ZNF676: variants seen among roughly 807,000 people sequenced by gnomAD.
The protein encoded by ZNF676 is zinc finger protein 676.
In ZNF676, 4 loss-of-function variants were observed where a neutral mutation model predicts 6.0. The ratio of observed to expected loss-of-function variants is 0.67; its 90% CI spans 0.33 to 1.53. The LOEUF (loss-of-function observed/expected upper bound fraction) is 1.53. Ranked by LOEUF, ZNF676 falls within the 40% of genes most tolerant of loss-of-function variation. ZNF676 has a pLI of 0.06. For missense variants in ZNF676, 644 were observed against 679.7 expected, an observed-to-expected ratio of 0.95 and a Z score of 0.58; for synonymous variants, 198 against 223.1, an observed-to-expected ratio of 0.89 and a Z score of 1.00.
chr19:22,250,729 TA>T, the ZNF676 span, among the ~76,000 whole-genome samples: 14 of 151,880 alleles, frequency 9.2e-5, no homozygotes, highest in Admixed American at 2.0e-4. Flanking sequence ...TTTTTTTTTT[TA>T]AGACAGAGTT....
At chr19:22,253,983 A>G in the ZNF676 span, among the ~76,000 whole-genome samples, 9 of 152,326 alleles carry the variant, frequency 5.9e-5, no homozygotes, top group South Asian at 1.9e-3. Flanking sequence ...GGGAGACAGT[A>G]TCTCTTCTAT....
At chr19:22,242,812 A>C in the ZNF676 span, among the ~76,000 whole-genome samples, 22 of 149,738 alleles carry the variant, frequency 1.5e-4, no homozygotes, top group Non-Finnish European at 1.3e-4. Flanking sequence ...CCTAGAAACT[A>C]GGCTAGATTA....
At chr19:22,252,034 C>G in the ZNF676 span, among the ~76,000 whole-genome samples, 1 of 152,114 alleles carries the variant, frequency 6.6e-6, no homozygotes, top group Non-Finnish European at 1.5e-5. Context: ...AAGTAGAACA[C>G]TTAATTTTGC....
chr19:22,232,860 G>C, the ZNF676 span, among the ~76,000 whole-genome samples: 12 of 152,096 alleles, frequency 7.9e-5, no homozygotes, highest in Admixed American at 5.2e-4. Flanking sequence ...TATCCATACT[G>C]TTCAATGTAA....
At chr19:22,253,085 T>C in the ZNF676 span, among the ~76,000 whole-genome samples, 1 of 152,134 alleles carries the variant, frequency 6.6e-6, no homozygotes, top group South Asian at 2.1e-4. Flanking sequence ...GTCCCTTTAG[T>C]GGAGTCAAAG....
intron 1 of ZNF676, among the ~76,000 whole-genome samples, chr19:22,204,981 A>G (rs1487917131): frequency 6.6e-6 from 1 of 152,222 alleles, no homozygotes; most frequent in African/African-American, 2.4e-5. Flanking sequence ...ACATATGAGA[A>G]TAAAGCCTCT....
upstream of ZNF676, among the ~76,000 whole-genome samples, chr19:22,198,943 A>T (rs958122309): frequency 1.8e-4 from 27 of 152,016 alleles, no homozygotes; most frequent in African/African-American, 6.5e-4. Context: ...AATTCCTCAT[A>T]CTTGATTCTG....
intron 1 of ZNF676, among the ~76,000 whole-genome samples, chr19:22,211,416 C>T (rs1028585378): frequency 6.6e-6 from 1 of 152,140 alleles, no homozygotes; most frequent in Non-Finnish European, 1.5e-5. Context: ...GCTTTAATTA[C>T]ATGTCAGAGT....
the ZNF676 span, among the ~76,000 whole-genome samples, chr19:22,225,619 T>TA: frequency 6.6e-6 from 1 of 152,142 alleles, no homozygotes; most frequent in African/African-American, 2.4e-5. Flanking sequence ...CTGGTTTTCT[T>TA]AAAAAATTGA....
chr19:22,211,513 C>T (rs1357137944), intron 1 of ZNF676, among the ~76,000 whole-genome samples: 1 of 152,082 alleles, frequency 6.6e-6, no homozygotes, highest in African/African-American at 2.4e-5. Context: ...TTTTAAGGTG[C>T]TTACCTTTTG....
At chr19:22,219,295 T>G (rs1484418555), upstream of ZNF676, among the ~76,000 whole-genome samples, 1 of 151,762 alleles carries the variant, frequency 6.6e-6, no homozygotes, top group East Asian at 1.9e-4. Flanking sequence ...GATGGGGTTT[T>G]ACCATGTTGG....
chr19:22,248,378 C>G, the ZNF676 span, among the ~76,000 whole-genome samples: 2 of 152,180 alleles, frequency 1.3e-5, no homozygotes, highest in African/African-American at 4.8e-5. Flanking sequence ...TAAAAGTGTT[C>G]CTATTTCTCC....
At chr19:22,259,695 C>T in the ZNF676 span, 1 of 152,118 alleles carries the variant, frequency 6.6e-6, no homozygotes, top group Non-Finnish European at 1.5e-5. Context: ...AGATATGTCA[C>T]GATGATCTCT....
chr19:22,180,063 T>G lies in ZNF676; in HGVS notation c.1654A>C (p.Lys552Gln). 1 of 1,613,896 alleles carries G rather than the reference T, an allele frequency of 6.2e-7. No individual in the cohort carries two copies. The highest frequency in any genetic ancestry group is 8.5e-7 in the Non-Finnish European group (1 of 1,179,850). The change falls in exon 3 of 3, where the codon AAG (lysine) becomes CAG (glutamine). Residue 552 changes from lysine (K) to glutamine (Q), a missense_variant. Around this residue, in one of 5 missense-constraint regions of ZNF676, gnomAD observed 306 missense variants for 265.4 expected, o/e 1.15. Coordinates refer to ENST00000397121, the MANE Select transcript of ZNF676 (RefSeq NM_001001411.3). Reference sequence around the variant, plus strand: ...GGTTTCTCTCCAGTATGAATTCTCTTGTGTCTAGTAAGGCTTGAGGATCTG... The same window carrying G: ...GGTTTCTCTCCAGTATGAATTCTCTGGTGTCTAGTAAGGCTTGAGGATCTG... ...FSRSSSLTRH[K>Q]RIHTGEKPYK...
chr19:22,184,826 G>GAAAAAAAAAA (rs144833243), intron 2 of ZNF676, among the ~76,000 whole-genome samples: 8 of 52,682 alleles, frequency 1.5e-4, no homozygotes, highest in African/African-American at 6.4e-4. Context: ...GGGCATCTTT[G>GAAAAAAAAAA]AAAAAAAAAA....
chr19:22,226,448 A>G, the ZNF676 span, among the ~76,000 whole-genome samples: 2 of 152,324 alleles, frequency 1.3e-5, no homozygotes, highest in South Asian at 4.1e-4. Context: ...GGAATTTTAT[A>G]GAAATTACGT....
chr19:22,195,913 C>T (rs906089041), intron 1 of ZNF676, among the ~76,000 whole-genome samples: 13 of 152,050 alleles, frequency 8.5e-5, no homozygotes, highest in African/African-American at 2.9e-4. Flanking sequence ...AAGACTGGAC[C>T]GAATTCCAGC....
upstream of ZNF676, among the ~76,000 whole-genome samples, chr19:22,200,238 A>T (rs2024010446): frequency 6.6e-6 from 1 of 152,128 alleles, no homozygotes; most frequent in African/African-American, 2.4e-5. Context: ...TTAAAAAAAA[A>T]TCCCTTAAGG....
the ZNF676 span, among the ~76,000 whole-genome samples, chr19:22,253,353 GGTGTGT>G: frequency 0.21 from 20,394 of 99,150 alleles, 2,224 homozygotes; most frequent in Non-Finnish European, 0.26. Context: ...TATGATAATG[GGTGTGT>G]GTGTGTGTGT....
Sources: allele counts gnomAD v4.1 joint callset (sites outside exome capture counted in the v4.1 genomes callset), GRCh38; gene constraint gnomAD v4.1.1; regional missense constraint gnomAD v4.1.1; transcripts MANE v1.5; gene names NCBI Gene and HGNC (gene_info 2026-07-23, HGNC 2026-07-21).